The following ARMC2 variants were observed in gnomAD, a reference collection of about 807,000 sequenced individuals.
ARMC2 encodes armadillo repeat containing 2, also known as armadillo repeat-containing protein 2.
ARMC2 carries 67 observed loss-of-function variants against 90.3 expected under a neutral mutation model. The ratio of observed to expected loss-of-function variants is 0.74; its 90% CI spans 0.61 to 0.91. ARMC2 has a LOEUF of 0.91. Ranked by LOEUF, ARMC2 falls within the 40% of genes least tolerant of loss-of-function variation. The probability of loss-of-function intolerance (pLI) is 0.00; values close to 1 mark genes in which losing one functional copy is unlikely to be tolerated. For synonymous variants in ARMC2, 393 were observed against 393.0 expected (o/e 1.00, Z 0.00); for missense variants, 920 against 1,030.9 (o/e 0.89, Z 1.47).
At chr6:109,014,249 T>TAA in the ARMC2 span, among the ~76,000 whole-genome samples, 1 of 152,230 alleles carries the variant, frequency 6.6e-6, no homozygotes, top group Non-Finnish European at 1.5e-5. Flanking sequence ...ATCAATGTGT[T>TAA]AAATAACGGT....
At chr6:108,862,977 C>G (rs1775431643) in intron 3 of ARMC2, among the ~76,000 whole-genome samples, 1 of 152,148 alleles carries the variant, frequency 6.6e-6, no homozygotes, top group Non-Finnish European at 1.5e-5. Context: ...CCCCACTCAC[C>G]CTCCAGCGGG....
the ARMC2 span, among the ~76,000 whole-genome samples, chr6:109,028,522 T>C: frequency 6.6e-6 from 1 of 152,218 alleles, no homozygotes; most frequent in Non-Finnish European, 1.5e-5. Context: ...ATTAACTCCA[T>C]GCAGCAAAAA....
the ARMC2 span, among the ~76,000 whole-genome samples, chr6:109,035,558 A>AC: frequency 9.2e-5 from 14 of 151,960 alleles, no homozygotes; most frequent in African/African-American, 1.2e-4. Flanking sequence ...GAAAAAAAAA[A>AC]AGGAAAAGGA....
At chr6:108,985,686 A>C in the ARMC2 span, among the ~76,000 whole-genome samples, 1 of 152,190 alleles carries the variant, frequency 6.6e-6, no homozygotes, top group African/African-American at 2.4e-5. Flanking sequence ...GCTGATTAGA[A>C]TCTCTACTAG....
chr6:109,006,613 A>T, the ARMC2 span, among the ~76,000 whole-genome samples: 1 of 152,058 alleles, frequency 6.6e-6, no homozygotes, highest in Non-Finnish European at 1.5e-5. Flanking sequence ...ATCTTTCATT[A>T]TTATTCTTTT....
At chr6:108,996,053 G>C in the ARMC2 span, among the ~76,000 whole-genome samples, 1 of 152,118 alleles carries the variant, frequency 6.6e-6, no homozygotes, top group Non-Finnish European at 1.5e-5. Context: ...GCATGATATT[G>C]ATTTAATGCA....
the ARMC2 span, among the ~76,000 whole-genome samples, chr6:109,047,471 G>C: frequency 7.9e-6 from 1 of 125,912 alleles, no homozygotes; most frequent in South Asian, 3.1e-4. Flanking sequence ...GGAGGGAGGT[G>C]GGGGGGTCAG....
chr6:108,923,016 T>G (rs1477238045), intron 10 of ARMC2: 5 of 152,260 alleles, frequency 3.3e-5, no homozygotes, highest in African/African-American at 9.6e-5. Flanking sequence ...TGTCATTTTC[T>G]TCTCTTTTTT....
chr6:109,001,817 A>G, the ARMC2 span, among the ~76,000 whole-genome samples: 1 of 152,188 alleles, frequency 6.6e-6, no homozygotes, highest in Admixed American at 6.5e-5. Context: ...TTTCTTTACA[A>G]AACCGCCTAC....
At chr6:109,032,642 AAAGGT>A in the ARMC2 span, among the ~76,000 whole-genome samples, 4 of 152,004 alleles carry the variant, frequency 2.6e-5, no homozygotes, top group Non-Finnish European at 5.9e-5. Flanking sequence ...GGGGAAGAGA[AAAGGT>A]AAGAAGACAG....
the ARMC2 span, chr6:108,986,536 ATTTTCAAACCTGTTTGCAT>A: frequency 3.9e-5 from 6 of 152,772 alleles, no homozygotes; most frequent in African/African-American, 1.4e-4. Context: ...CTTAATACAT[ATTTTCAAACCTGTTTGCAT>A]TTCAAACAAA....
chr6:108,890,188 T>G (rs1770824216), intron 5 of ARMC2, among the ~76,000 whole-genome samples: 1 of 23,972 alleles, frequency 4.2e-5, no homozygotes, highest in Admixed American at 7.1e-4. Context: ...AGACTCCGTC[T>G]CAAAAAAAAA....
At chr6:109,025,517 T>A in the ARMC2 span, among the ~76,000 whole-genome samples, 1 of 150,000 alleles carries the variant, frequency 6.7e-6, no homozygotes, top group East Asian at 2.0e-4. Flanking sequence ...TCAGATGCAG[T>A]CTGACTGCCA....
chr6:108,955,674 G>A (rs1777525861), intron 13 of ARMC2, among the ~76,000 whole-genome samples: 1 of 152,166 alleles, frequency 6.6e-6, no homozygotes, highest in African/African-American at 2.4e-5. Context: ...TCTGTGTTTA[G>A]GCTTGAACTC....
chr6:108,909,446 T>C (rs1231754091), intron 8 of ARMC2, among the ~76,000 whole-genome samples: 2 of 152,032 alleles, frequency 1.3e-5, no homozygotes, highest in Non-Finnish European at 2.9e-5. Context: ...TCCTATACTT[T>C]GCTTTTTAAA....
At chr6:108,964,905 C>T (rs1778257009) in intron 16 of ARMC2, 75 bp from the exon 17 acceptor site, 3 of 1,106,094 alleles carry the variant, frequency 2.7e-6, no homozygotes, top group Admixed American at 4.2e-5. Flanking sequence ...GAAGGATAAT[C>T]ATTATGCTAA....
chr6:108,931,910 T>C (rs895738734), intron 11 of ARMC2, among the ~76,000 whole-genome samples: 2 of 151,750 alleles, frequency 1.3e-5, no homozygotes. Context: ...ATTACAGGCA[T>C]GCACCACCAT....
the ARMC2 span, among the ~76,000 whole-genome samples, chr6:109,005,632 G>A: frequency 3.9e-5 from 6 of 152,108 alleles, no homozygotes; most frequent in Non-Finnish European, 7.4e-5. Context: ...TATGGCAAGG[G>A]TTCTATGTAA....
chr6:108,996,185 A>G, the ARMC2 span, among the ~76,000 whole-genome samples: 14,949 of 152,250 alleles, frequency 0.098, 890 homozygotes, highest in Middle Eastern at 0.19. Flanking sequence ...TTGCTGGAGA[A>G]TGACTCTCAG....
Sources: allele counts gnomAD v4.1 joint callset (sites outside exome capture counted in the v4.1 genomes callset), GRCh38; gene constraint gnomAD v4.1.1; transcripts MANE v1.5; gene names NCBI Gene and HGNC (gene_info 2026-07-23, HGNC 2026-07-21).